The following TSPAN9 variants were observed in gnomAD, a reference collection of about 807,000 sequenced individuals.
The protein encoded by TSPAN9 is tetraspanin-9.
TSPAN9 carries 16 observed loss-of-function variants against 31.0 expected under a neutral mutation model. The observed-to-expected ratio is 0.52, with a 90% CI of 0.35 to 0.78. The LOEUF is 0.78. Ranked by LOEUF, TSPAN9 falls within the 30% of genes least tolerant of loss-of-function variation. The pLI is 0.01. For missense variants in TSPAN9, 272 were observed against 312.5 expected (o/e 0.87, Z 0.98); for synonymous variants, 145 against 121.6 (o/e 1.19, Z -1.27).
rs1862978009 is a variant in TSPAN9 at position 3,284,662 on chromosome 12, G to C, written c.*1546G>C. ...AGCAGGGCGCCCCCTCCAAACTGCA[G>C]CTGGTCTGGCTTACTGTTTTGCCGT... On this transcript the variant is annotated 3_prime_UTR_variant, in exon 9 of 9. Coordinates refer to ENST00000011898, the MANE Select transcript of TSPAN9 (RefSeq NM_006675.5). 1 of 152,492 alleles carries C rather than the reference G, an allele frequency of 6.6e-6. No homozygotes were observed. The highest frequency in any genetic ancestry group is 2.4e-5 in the African/African-American group (1 of 41,468). The allele number at this position is 152,492 out of a possible 1,614,324, so 9.4% of individuals were successfully genotyped here.
rs2098387671 is a variant in TSPAN9, at chr12:3,226,740, GTGTGTATATATATATATA to G, written c.63+25486_63+25503del. On this transcript the variant is annotated intron_variant, in intron 3 of 8. Coordinates refer to ENST00000011898, the MANE Select transcript of TSPAN9 (RefSeq NM_006675.5). ...TGTATGTGTGTGTGTGTGTGTGTGTGTGTGTATATATATATATATATATATATATATATATATATATAT... is the reference window on the plus strand; with the variant it reads ...TGTATGTGTGTGTGTGTGTGTGTGTGTATATATATATATATATATATATAT... 4.6e-3 allele frequency among the ~76,000 whole-genome samples: 60 copies of G among 13,154 alleles called. 14 individuals carry two copies. Among genetic ancestry groups the G allele is most frequent in the Admixed American group, 8.0e-3 (6 of 750 alleles). The allele number at this position is 13,154 out of a possible 152,430, so 8.6% of individuals were successfully genotyped here. A position where few individuals can be genotyped will look rare whatever the true frequency, so the allele number is the denominator to read the frequency against.
At chr12:3,226,771 T>C (rs2098387834) in intron 3 of TSPAN9, among the ~76,000 whole-genome samples, 1 of 5,166 alleles carries the variant, frequency 1.9e-4, no homozygotes, top group African/African-American at 6.0e-4. Context: ...TATATATATA[T>C]ATATATATAT....
intron 2 of TSPAN9, among the ~76,000 whole-genome samples, chr12:3,144,427 C>T (rs1365201093): frequency 1.3e-5 from 2 of 152,104 alleles, no homozygotes; most frequent in Non-Finnish European, 2.9e-5. Flanking sequence ...ATAAGAGGGA[C>T]ACAGGAAGCA....
At chr12:3,141,370 G>A (rs922311862) in intron 2 of TSPAN9, among the ~76,000 whole-genome samples, 26 of 152,068 alleles carry the variant, frequency 1.7e-4, no homozygotes, top group African/African-American at 5.8e-4. Context: ...TGTTCGCCTC[G>A]GTCTCCCAGC....
chr12:3,121,653 T>C (rs1008948638), intron 2 of TSPAN9, among the ~76,000 whole-genome samples: 2 of 149,394 alleles, frequency 1.3e-5, no homozygotes, highest in African/African-American at 4.9e-5. Context: ...GCTAGGGTTA[T>C]AGATATGAGC....
intron 3 of TSPAN9, among the ~76,000 whole-genome samples, chr12:3,219,236 A>C (rs188070908): frequency 6.6e-6 from 1 of 152,064 alleles, no homozygotes; most frequent in Non-Finnish European, 1.5e-5. Flanking sequence ...CTCTAGACTC[A>C]GTTTTGTTTC....
Position 3,211,938 on chromosome 12 carries a change from T to C in TSPAN9, c.63+10682T>C, listed in dbSNP as rs116464565. 2.5e-3 allele frequency: 3,409 copies of C among 1,340,000 alleles called. 71 individuals are homozygous for C. The African/African-American group carries it at 0.044, about 17-fold the overall frequency. The allele number at this position is 1,340,000 out of a possible 1,614,324, so 83.0% of individuals were successfully genotyped here. ...GGCATGTTCTCGTGTGCGTAGGTCGTCACCACCGGAAAGCAAAATTGCTGT... is the reference window on the plus strand; with the variant it reads ...GGCATGTTCTCGTGTGCGTAGGTCGCCACCACCGGAAAGCAAAATTGCTGT... On this transcript the variant is annotated intron_variant, in intron 3 of 8. Coordinates refer to ENST00000011898, the MANE Select transcript of TSPAN9 (RefSeq NM_006675.5).
intron 2 of TSPAN9, among the ~76,000 whole-genome samples, chr12:3,165,979 G>A (rs2098348198): frequency 6.6e-6 from 1 of 152,284 alleles, no homozygotes; most frequent in South Asian, 2.1e-4. Flanking sequence ...GATGGAACTC[G>A]TCGGTCTAAC....
At chr12:3,085,986 G>A (rs1213318362) in intron 2 of TSPAN9, among the ~76,000 whole-genome samples, 2 of 152,222 alleles carry the variant, frequency 1.3e-5, no homozygotes, top group Non-Finnish European at 2.9e-5. Flanking sequence ...CTTCTGTCCT[G>A]TGTAGACGGC....
intron 2 of TSPAN9, among the ~76,000 whole-genome samples, chr12:3,117,460 G>T (rs2153965880): frequency 6.7e-6 from 1 of 150,088 alleles, no homozygotes; most frequent in African/African-American, 2.4e-5. Context: ...CCTAGGGCCT[G>T]TCTCTTCCGT....
rs536163421 is a variant in TSPAN9 at position 3,228,297 on chromosome 12, C to A, written c.63+27041C>A. ...GGAGGATCACTTGAGCCCGGGAGAT[C>A]GAGGCTGCAGTAAGCTGTGATTGCA... On this transcript the variant is annotated intron_variant, in intron 3 of 8. Coordinates refer to ENST00000011898, the MANE Select transcript of TSPAN9 (RefSeq NM_006675.5). 2.0e-4 allele frequency among the ~76,000 whole-genome samples: 31 copies of A among 152,284 alleles called. 1 individual carries two copies. Among genetic ancestry groups the A allele is most frequent in the African/African-American group, 6.3e-4 (26 of 41,554 alleles).
At chr12:3,211,978 CTTTT>C (rs1440129006) in intron 3 of TSPAN9, 6 of 958,642 alleles carry the variant, frequency 6.3e-6, no homozygotes, top group Non-Finnish European at 9.6e-6. Flanking sequence ...GTATTTCTTT[CTTTT>C]ATTTTTTGAG....
intron 2 of TSPAN9, among the ~76,000 whole-genome samples, chr12:3,085,591 G>A (rs186886786): frequency 6.6e-6 from 1 of 152,146 alleles, no homozygotes; most frequent in African/African-American, 2.4e-5. Flanking sequence ...GGGGTGGGAG[G>A]TTCTTGTCCT....
chr12:3,197,761 C>T (rs1301461332), intron 2 of TSPAN9, among the ~76,000 whole-genome samples: 3 of 49,508 alleles, frequency 6.1e-5, no homozygotes, highest in Admixed American at 3.6e-4. Context: ...CACAGGTCAC[C>T]AGCACAGGCC....
chr12:3,249,903 G>C (rs581684), intron 3 of TSPAN9, among the ~76,000 whole-genome samples: 50,405 of 152,046 alleles, frequency 0.33, 9,117 homozygotes, highest in Middle Eastern at 0.41. Flanking sequence ...GCCCCTTGTC[G>C]TCTCACCATG....
chr12:3,213,850 G>T (rs559466410), intron 3 of TSPAN9, among the ~76,000 whole-genome samples: 2 of 152,322 alleles, frequency 1.3e-5, no homozygotes, highest in South Asian at 4.1e-4. Flanking sequence ...GGGAGGGGCT[G>T]GGCTGGGTGG....
chr12:3,199,619 T>C (rs2153972856), intron 2 of TSPAN9, among the ~76,000 whole-genome samples: 1 of 152,306 alleles, frequency 6.6e-6, no homozygotes, highest in East Asian at 1.9e-4. Flanking sequence ...CGTCCACCTG[T>C]CCCTGTCAGC....
intron 2 of TSPAN9, among the ~76,000 whole-genome samples, chr12:3,125,638 C>T (rs1425821955): frequency 6.6e-6 from 1 of 151,784 alleles, no homozygotes; most frequent in African/African-American, 2.4e-5. Flanking sequence ...TTTTTTTTCT[C>T]TGTGGTTCAG....
chr12:3,167,503 T>C (rs192619248), intron 2 of TSPAN9, among the ~76,000 whole-genome samples: 1 of 152,212 alleles, frequency 6.6e-6, no homozygotes, highest in Non-Finnish European at 1.5e-5. Flanking sequence ...ACCTTTCTTC[T>C]TAATGATTAG....
Sources: allele counts gnomAD v4.1 joint callset (sites outside exome capture counted in the v4.1 genomes callset), GRCh38; gene constraint gnomAD v4.1.1; transcripts MANE v1.5; gene names NCBI Gene and HGNC (gene_info 2026-07-23, HGNC 2026-07-21).